The following WDPCP variants were observed in gnomAD, a reference collection of about 807,000 sequenced individuals.
The protein encoded by WDPCP is WD repeat-containing and planar cell polarity effector protein fritz homolog.
Under a neutral mutation model 93.1 loss-of-function variants are expected in WDPCP, and 71 were observed. That is an observed-to-expected ratio of 0.76 (90% CI 0.63 to 0.93). The LOEUF (loss-of-function observed/expected upper bound fraction) is 0.93, where lower values mean the gene tolerates loss of function less well. WDPCP is among the 40% of genes least tolerant of loss of function. The pLI is 0.00. For missense variants in WDPCP, 844 were observed against 887.4 expected, an observed-to-expected ratio of 0.95 and a Z score of 0.62; for synonymous variants, 315 against 315.0, an observed-to-expected ratio of 1.00 and a Z score of 0.00.
intron 10 of WDPCP, among the ~76,000 whole-genome samples, chr2:63,394,876 G>A (rs1003488855): frequency 1.3e-5 from 2 of 152,070 alleles, no homozygotes; most frequent in African/African-American, 4.8e-5. Flanking sequence ...ATAGACAACA[G>A]GGCCTAGTTG....
Position 63,119,879 on chromosome 2 carries a change from G to A in WDPCP, c.*2127C>T, listed in dbSNP as rs140151570. On this transcript the variant is annotated 3_prime_UTR_variant, in exon 18 of 18. Coordinates refer to ENST00000272321, the MANE Select transcript of WDPCP (RefSeq NM_015910.7). ...GGAAATAACAGCATTTATAAATCATGGACATTATCAAAGATCATTCATAAT... is the reference window on the plus strand; with the variant it reads ...GGAAATAACAGCATTTATAAATCATAGACATTATCAAAGATCATTCATAAT... Among the ~76,000 whole-genome samples the A allele has an allele frequency of 6.6e-5, 10 of 152,190 alleles. No homozygotes were observed. The highest frequency in any genetic ancestry group is 2.4e-4 in the African/African-American group (10 of 41,516).
At chr2:63,568,907 G>C (rs1360619655) in intron 1 of WDPCP, among the ~76,000 whole-genome samples, 1 of 152,204 alleles carries the variant, frequency 6.6e-6, no homozygotes, top group African/African-American at 2.4e-5. Context: ...CTTTATCACG[G>C]CTAGCAGATA....
In WDPCP at chr2:63,719,762, A is replaced by T. The variant is rs868371035; in HGVS notation, n.309-68924T>A. Among the ~76,000 whole-genome samples the T allele has an allele frequency of 2.6e-5, 4 of 152,148 alleles. No homozygotes were observed. In the East Asian group the frequency reaches 5.8e-4, roughly 22 times the overall value. Reference sequence around the variant, plus strand: ...AAAGTTTATAAATTATAAGGCTTATAATTTATAAAAGTTTATGTTATAAAA... The same window carrying T: ...AAAGTTTATAAATTATAAGGCTTATTATTTATAAAAGTTTATGTTATAAAA... On this transcript the variant is annotated intron_variant and non_coding_transcript_variant, in intron 2 of 4. Coordinates refer to the WDPCP transcript ENST00000467687.
intron 2 of WDPCP, among the ~76,000 whole-genome samples, chr2:63,770,445 T>C (rs1275590924): frequency 6.6e-6 from 1 of 152,002 alleles, no homozygotes; most frequent in African/African-American, 2.4e-5. Context: ...TTAAATTATC[T>C]GTATTCAACT....
intron 1 of WDPCP, among the ~76,000 whole-genome samples, chr2:63,529,371 T>C (rs903238134): frequency 6.6e-6 from 1 of 152,238 alleles, no homozygotes; most frequent in Non-Finnish European, 1.5e-5. Context: ...TAGCTTTTAT[T>C]ACTTTGAGAT....
At chr2:63,722,290 C>A (rs1200696035) in intron 2 of WDPCP, among the ~76,000 whole-genome samples, 3 of 151,342 alleles carry the variant, frequency 2.0e-5, no homozygotes, top group Non-Finnish European at 4.4e-5. Flanking sequence ...TGAGGAGCAC[C>A]TCTGCCCGGC....
At chr2:63,759,402 T>G (rs1670019312) in intron 2 of WDPCP, among the ~76,000 whole-genome samples, 1 of 152,076 alleles carries the variant, frequency 6.6e-6, no homozygotes, top group Non-Finnish European at 1.5e-5. Flanking sequence ...TATTAGGAAA[T>G]TAATCCTTCC....
At chr2:63,600,045 C>T (rs1453932427) in intron 3 of WDPCP, 4 of 152,160 alleles carry the variant, frequency 2.6e-5, no homozygotes, top group African/African-American at 9.7e-5. Flanking sequence ...GTCTGTAGGT[C>T]ATCACTGCTA....
intron 7 of WDPCP, among the ~76,000 whole-genome samples, chr2:63,439,129 A>G (rs1370849384): frequency 1.3e-5 from 2 of 152,156 alleles, no homozygotes; most frequent in African/African-American, 4.8e-5. Flanking sequence ...TAGGTAGGTT[A>G]GGAACCCAGC....
intron 9 of WDPCP, among the ~76,000 whole-genome samples, chr2:63,424,909 C>T (rs751261082): frequency 1.3e-5 from 2 of 152,124 alleles, no homozygotes; most frequent in Non-Finnish European, 2.9e-5. Context: ...ATGGATCTGG[C>T]GAGGGGCTTA....
intron 3 of WDPCP, among the ~76,000 whole-genome samples, chr2:63,613,160 T>C (rs1201801889): frequency 6.6e-6 from 1 of 152,174 alleles, no homozygotes; most frequent in Non-Finnish European, 1.5e-5. Flanking sequence ...GCCTTACACA[T>C]AGGTAGTCAA....
intron 14 of WDPCP, among the ~76,000 whole-genome samples, chr2:63,252,133 T>C (rs530583874): frequency 1.3e-3 from 201 of 152,296 alleles, no homozygotes; most frequent in African/African-American, 4.5e-3. Context: ...TGGTTCAACA[T>C]ATGCAGATCA....
intron 13 of WDPCP, among the ~76,000 whole-genome samples, chr2:63,267,058 C>T (rs186681794): frequency 6.6e-6 from 1 of 152,040 alleles, no homozygotes; most frequent in East Asian, 1.9e-4. Context: ...AAGCTGGAGG[C>T]AACACAATAA....
intron 2 of WDPCP, among the ~76,000 whole-genome samples, chr2:63,654,734 C>T (rs981711191): frequency 6.6e-6 from 1 of 152,172 alleles, no homozygotes; most frequent in Non-Finnish European, 1.5e-5. Context: ...CCGTCCCCTA[C>T]ATACTTTAAA....
At chr2:63,610,900 A>C (rs1282022885) in intron 3 of WDPCP, among the ~76,000 whole-genome samples, 1 of 152,164 alleles carries the variant, frequency 6.6e-6, no homozygotes, top group African/African-American at 2.4e-5. Context: ...TTCGAGACCA[A>C]CCTGGGCAAC....
chr2:63,681,987 G>C (rs566296779), intron 2 of WDPCP, among the ~76,000 whole-genome samples: 1 of 147,642 alleles, frequency 6.8e-6, no homozygotes, highest in Non-Finnish European at 1.5e-5. Context: ...CTGGGTTTGG[G>C]GGTGCCCCCA....
intron 14 of WDPCP, among the ~76,000 whole-genome samples, chr2:63,225,039 T>C (rs1678166080): frequency 6.6e-6 from 1 of 151,040 alleles, no homozygotes; most frequent in Non-Finnish European, 1.5e-5. Flanking sequence ...TTAATTTTGC[T>C]GTGAACCTAC....
At chr2:63,467,767 C>G (rs971910953) in intron 6 of WDPCP, among the ~76,000 whole-genome samples, 1 of 102,814 alleles carries the variant, frequency 9.7e-6, no homozygotes, top group African/African-American at 4.3e-5. Flanking sequence ...CAGAGCAAGA[C>G]TCAGTCTCCA....
chr2:63,301,828 A>G (rs748190077), intron 13 of WDPCP, among the ~76,000 whole-genome samples: 55 of 151,048 alleles, frequency 3.6e-4, no homozygotes, highest in Non-Finnish European at 5.3e-4. Flanking sequence ...CTAGATGGGT[A>G]CTATCTGAAA....
Sources: gnomAD v4.1 joint callset for allele counts (sites outside exome capture counted in the v4.1 genomes callset) on GRCh38, gnomAD v4.1.1 for gene constraint, MANE v1.5 for transcripts, NCBI Gene and HGNC (gene_info 2026-07-23, HGNC 2026-07-21) for gene names.